ITGA4: variants seen among roughly 807,000 people sequenced by gnomAD.
ITGA4 encodes integrin subunit alpha 4, also known as integrin alpha-4.
In ITGA4, 63 loss-of-function variants were observed where a neutral mutation model predicts 133.6. The ratio of observed to expected loss-of-function variants is 0.47; its 90% CI spans 0.38 to 0.58. The LOEUF is 0.58. ITGA4 is among the 20% of genes least tolerant of loss of function. ITGA4 has a pLI of 0.00. For synonymous variants in ITGA4, 483 were observed against 438.0 expected (o/e 1.10, Z -1.28); for missense variants, 1,076 against 1,252.7 (o/e 0.86, Z 2.13).
rs186420443 is a variant in ITGA4 at position 181,496,024 on chromosome 2, C to T, written c.1540+87C>T. ...CCTGCTTGGAGCCCTCACCGGTTTT[C>T]ACCACGGAGATCTTCTTTAGAGCGG... On this transcript the variant is annotated intron_variant, in intron 14 of 27. Transcript: ENST00000397033. The T allele has an allele frequency of 3.8e-3, 5,130 of 1,339,216 alleles. 15 individuals carry two copies. Among genetic ancestry groups the T allele is most frequent in the Non-Finnish European group, 4.8e-3 (4,587 of 959,620 alleles). The allele number at this position is 1,339,216 out of a possible 1,614,324, so 83.0% of individuals were successfully genotyped here. A position where few individuals can be genotyped will look rare whatever the true frequency, so the allele number is the denominator to read the frequency against.
Position 181,535,565 on chromosome 2 carries a change from A to G in ITGA4, c.*38A>G, listed in dbSNP as rs765631111. On this transcript the variant is annotated 3_prime_UTR_variant, in exon 28 of 28. Coordinates refer to ENST00000397033, the MANE Select transcript of ITGA4 (RefSeq NM_000885.6). ...AATTGAGAGAATGGAAAACAGACTC[A>G]GGTTGTAGTAAAGAAATTTAAAAGA... 3.9e-6 allele frequency: 6 copies of G among 1,550,212 alleles called. No individual in the cohort carries two copies. In the South Asian group the frequency reaches 7.6e-5, roughly 20 times the overall value.
chr2:181,486,085 T>C lies in ITGA4; in HGVS notation c.1153+93T>C, dbSNP rs972212289. ...TAAAGTTTTGTATTGTTTTCCTTCC[T>C]ATAGAAGATGGAGCCAGAATGGCAT... is the stretch of plus-strand genomic sequence containing the variant. On this transcript the variant is annotated intron_variant, in intron 10 of 27. Coordinates refer to ENST00000397033, the MANE Select transcript of ITGA4 (RefSeq NM_000885.6). 2.1e-6 allele frequency: 3 copies of C among 1,462,088 alleles called. No individual in the cohort carries two copies. The Admixed American group carries it at 8.1e-5, about 40-fold the overall frequency. 90.6% of individuals were successfully genotyped at this position (1,462,088 alleles called of 1,614,324 possible). A position where few individuals can be genotyped will look rare whatever the true frequency, so the allele number is the denominator to read the frequency against.
intron 18 of ITGA4, among the ~76,000 whole-genome samples, chr2:181,522,559 G>T (rs1203449355): frequency 1.3e-5 from 2 of 152,162 alleles, no homozygotes; most frequent in Non-Finnish European, 2.9e-5. Context: ...ACTAGGAGTA[G>T]GAGGAAGCTG....
upstream of ITGA4, chr2:181,457,348 A>C (rs1217849583): frequency 3.1e-6 from 1 of 324,558 alleles, no homozygotes; most frequent in South Asian, 3.5e-5. Flanking sequence ...GCGCCTCCGC[A>C]CCACGCCCGG....
Position 181,482,441 on chromosome 2 carries a change from T to C in ITGA4, c.903+19T>C. On this transcript the variant is annotated intron_variant, in intron 8 of 27. Coordinates refer to ENST00000397033, the MANE Select transcript of ITGA4 (RefSeq NM_000885.6). ...TAAAAAGGTAATATGTCTCTACCTT[T>C]AGTATCTCTGTGGGCTTTTGCGAGT... The C allele has an allele frequency of 9.9e-6, 16 of 1,613,444 alleles. No individual in the cohort carries two copies. Among genetic ancestry groups the C allele is most frequent in the Non-Finnish European group, 1.4e-5 (16 of 1,179,596 alleles).
At position 181,537,469 on chromosome 2, in the gene ITGA4, G is replaced by C; in HGVS notation, c.*1942G>C. 2.2e-6 allele frequency: 1 copy of C among 450,348 alleles called. No individual in the cohort carries two copies. Among genetic ancestry groups the C allele is most frequent in the Non-Finnish European group, 4.5e-6 (1 of 224,334 alleles). The allele number at this position is 450,348 out of a possible 1,614,324, so 27.9% of individuals were successfully genotyped here. On this transcript the variant is annotated 3_prime_UTR_variant, in exon 28 of 28. Transcript: ENST00000397033. ...GAATTTTAAAACCCTACCACTTTAA[G>C]AAGACAGGGATGGGTTATTCTTTTT... is the stretch of plus-strand genomic sequence containing the variant.
At chr2:181,458,475 A>G (rs1008728933) in intron 2 of ITGA4, 158 bp downstream of exon 2, 5 of 748,066 alleles carry the variant, frequency 6.7e-6, no homozygotes, top group East Asian at 5.4e-5. Context: ...CCTCCTTAAT[A>G]TAAAAGGGAT....
chr2:181,480,552 C>G (rs947660354), intron 6 of ITGA4, among the ~76,000 whole-genome samples: 4 of 152,130 alleles, frequency 2.6e-5, no homozygotes, highest in African/African-American at 9.7e-5. Flanking sequence ...TAGTAAGTTT[C>G]TATCTCTATG....
chr2:181,475,231 G>A lies in ITGA4; in HGVS notation c.499G>A (p.Gly167Arg). Residue 167 changes from glycine to arginine, a missense_variant, in exon 4 of 28, where the codon GGA becomes AGA. By Grantham distance (125) the Gly-to-Arg change is moderately radical. Transcript: ENST00000397033. ...ENKLPTGGCY[G>R]VPPDLRTELS... ...TAAGCTCCCCACTGGTGGTTGCTAT[G>A]GAGTGCCCCCTGATTTACGAACAGA... 3 of 1,612,732 alleles carry A rather than the reference G, an allele frequency of 1.9e-6. No individual in the cohort carries two copies. Among genetic ancestry groups the A allele is most frequent in the Non-Finnish European group, 1.7e-6 (2 of 1,178,726 alleles).
chr2:181,507,424 G>C (rs1349197), intron 15 of ITGA4, among the ~76,000 whole-genome samples: 109,747 of 151,958 alleles, frequency 0.72, 39,933 homozygotes, highest in South Asian at 0.9. Context: ...TTTAGATAAG[G>C]AGAAGTCTGT....
At position 181,536,964 on chromosome 2, in the gene ITGA4, C is replaced by G; in HGVS notation, c.*1437C>G. ...TATGAAGTCCCTGCCACTAGCCAGC[C>G]ATCCTAATTGATGAAAGTTATCTGT... is the stretch of plus-strand genomic sequence containing the variant. On this transcript the variant is annotated 3_prime_UTR_variant, in exon 28 of 28. Transcript: ENST00000397033. 2.2e-6 allele frequency: 1 copy of G among 452,678 alleles called. No individual in the cohort carries two copies. The highest frequency in any genetic ancestry group is 4.4e-6 in the Non-Finnish European group (1 of 226,346). The allele number at this position is 452,678 out of a possible 1,614,324, so 28.0% of individuals were successfully genotyped here.
intron 5 of ITGA4, chr2:181,479,367 CTG>C (rs1462788666): frequency 2.0e-5 from 3 of 151,998 alleles, no homozygotes; most frequent in South Asian, 2.1e-4. Context: ...TAAAAACACA[CTG>C]TGAATTCAGG....
At chr2:181,473,863 C>A (rs1227001603) in intron 2 of ITGA4, among the ~76,000 whole-genome samples, 1 of 152,142 alleles carries the variant, frequency 6.6e-6, no homozygotes, top group Non-Finnish European at 1.5e-5. Flanking sequence ...CAGGAAGCTA[C>A]ATTTAGGGGT....
intron 2 of ITGA4, among the ~76,000 whole-genome samples, chr2:181,473,992 A>G (rs1473741830): frequency 6.6e-6 from 1 of 152,200 alleles, no homozygotes; most frequent in East Asian, 1.9e-4. Flanking sequence ...CCACATCCTT[A>G]TCCAATCAAA....
intron 23 of ITGA4, among the ~76,000 whole-genome samples, chr2:181,530,141 G>C (rs1281391722): frequency 6.6e-6 from 1 of 152,294 alleles, no homozygotes. Flanking sequence ...TACTAAATAG[G>C]TTTGAGGTCT....
At chr2:181,497,495 T>C (rs1330010176) in intron 14 of ITGA4, among the ~76,000 whole-genome samples, 7 of 152,174 alleles carry the variant, frequency 4.6e-5, no homozygotes, top group Admixed American at 4.6e-4. Context: ...CAGTGCTATT[T>C]CTCTGAGGTA....
intron 15 of ITGA4, among the ~76,000 whole-genome samples, chr2:181,503,731 A>G (rs1686333738): frequency 6.6e-6 from 1 of 152,034 alleles, no homozygotes; most frequent in Admixed American, 6.6e-5. Context: ...AATTTCATTT[A>G]TATCTTTTAG....
intron 21 of ITGA4, among the ~76,000 whole-genome samples, chr2:181,526,650 AG>A: frequency 6.6e-6 from 1 of 152,186 alleles, no homozygotes; most frequent in East Asian, 1.9e-4. Flanking sequence ...TGAGAACCTT[AG>A]GAAAAAACTA....
rs113137522 is a variant in ITGA4 at position 181,485,220 on chromosome 2, C to T, written c.1042-661C>T. On this transcript the variant is annotated intron_variant, in intron 9 of 27. Coordinates refer to ENST00000397033, the MANE Select transcript of ITGA4 (RefSeq NM_000885.6). ...AGTAAATTTTCCTCGACAATCAAGA[C>T]GCTACACTATAAGACTGCAATCTGA... Among the ~76,000 whole-genome samples, 10 of 152,226 alleles carry T rather than the reference C, an allele frequency of 6.6e-5. 1 individual carries two copies. The highest frequency in any genetic ancestry group is 3.9e-4 in the East Asian group (2 of 5,176).
Sources: gnomAD v4.1 joint callset for allele counts (sites outside exome capture counted in the v4.1 genomes callset) on GRCh38, gnomAD v4.1.1 for gene constraint, MANE v1.5 for transcripts, NCBI Gene and HGNC (gene_info 2026-07-23, HGNC 2026-07-21) for gene names.